The following GLI3 variants were observed in gnomAD, a reference collection of about 807,000 sequenced individuals.
GLI3 encodes GLI family zinc finger 3.
Under a neutral mutation model 100.8 loss-of-function variants are expected in GLI3, and 20 were observed. The observed-to-expected ratio is 0.20, with a 90% CI of 0.14 to 0.29. The LOEUF (loss-of-function observed/expected upper bound fraction) is 0.29. Among genes scored for constraint, GLI3 ranks in the 10% least tolerant of loss-of-function variants. The probability of loss-of-function intolerance (pLI) is 1.00; values close to 1 mark genes in which losing one functional copy is unlikely to be tolerated. For missense variants in GLI3, 2,040 were observed against 2,128.5 expected (o/e 0.96, Z 0.82); for synonymous variants, 938 against 860.5 (o/e 1.09, Z -1.58).
chr7:42,253,126 C>T (rs1030328749), intron 1 of GLI3, among the ~76,000 whole-genome samples: 22 of 152,284 alleles, frequency 1.4e-4, no homozygotes, highest in East Asian at 3.9e-4. Flanking sequence ...AGCTGAGCCA[C>T]GACTAAAAGG....
intron 3 of GLI3, among the ~76,000 whole-genome samples, chr7:42,104,414 G>C (rs1049112644): frequency 3.0e-4 from 45 of 152,146 alleles, no homozygotes; most frequent in African/African-American, 9.4e-4. Context: ...TGGGTAAACA[G>C]GCAGGGCGGG....
rs528823909 is a variant in GLI3 at position 42,202,189 on chromosome 7, T to A, written c.124+20941A>T. 4.7e-4 allele frequency among the ~76,000 whole-genome samples: 71 copies of A among 152,206 alleles called. 2 individuals carry two copies. In the South Asian group the frequency reaches 0.013, roughly 28 times the overall value. ...CATGTGGCTCATGAATGCATTTTTTTAAAAACATTTAATACTTAAAACTGA... is the reference window on the plus strand; with the variant it reads ...CATGTGGCTCATGAATGCATTTTTTAAAAAACATTTAATACTTAAAACTGA... On this transcript the variant is annotated intron_variant, in intron 2 of 14. Transcript: ENST00000395925.
intron 4 of GLI3, among the ~76,000 whole-genome samples, chr7:42,068,547 T>G (rs1784720968): frequency 6.6e-6 from 1 of 152,148 alleles, no homozygotes; most frequent in African/African-American, 2.4e-5. Flanking sequence ...TACTTCATAC[T>G]CAAAAAGTTA....
At chr7:42,212,233 G>C (rs749383129) in intron 2 of GLI3, among the ~76,000 whole-genome samples, 12 of 152,080 alleles carry the variant, frequency 7.9e-5, no homozygotes, top group Non-Finnish European at 1.5e-4. Flanking sequence ...TCATCCTCTT[G>C]AATGACAAGG....
chr7:42,121,751 C>T (rs1786005898), intron 3 of GLI3, among the ~76,000 whole-genome samples: 1 of 152,070 alleles, frequency 6.6e-6, no homozygotes, highest in South Asian at 2.1e-4. Context: ...AGGAGTGCAC[C>T]CACCTAAGCA....
intron 10 of GLI3, among the ~76,000 whole-genome samples, chr7:42,007,872 T>G (rs912479864): frequency 6.6e-6 from 1 of 152,156 alleles, no homozygotes; most frequent in African/African-American, 2.4e-5. Context: ...CGGCCTAGTT[T>G]GTTTTACTAA....
At chr7:42,021,662 T>C (rs1788946610) in intron 10 of GLI3, among the ~76,000 whole-genome samples, 1 of 152,256 alleles carries the variant, frequency 6.6e-6, no homozygotes, top group South Asian at 2.1e-4. Context: ...TCTTATTTCA[T>C]TCCTGATTTG....
Position 42,246,805 on chromosome 7 carries a change from C to CTTTTTTTTTTTTTTTTTTTTT in GLI3, c.-43+17168_-43+17188dup, listed in dbSNP as rs71006467. 4.9e-4 allele frequency among the ~76,000 whole-genome samples: 47 copies of CTTTTTTTTTTTTTTTTTTTTT among 94,956 alleles called. 5 individuals carry two copies. Among genetic ancestry groups the CTTTTTTTTTTTTTTTTTTTTT allele is most frequent in the Non-Finnish European group, 6.5e-4 (32 of 49,216 alleles). 62.3% of individuals were successfully genotyped at this position (94,956 alleles called of 152,430 possible). On this transcript the variant is annotated intron_variant, in intron 1 of 2. Coordinates refer to the GLI3 transcript ENST00000678978. ...TTAAAGGCTCATTGGATGATAGAATCTTTTTTTTTTTTTTTTTTTTTTTTT... is the reference window on the plus strand; with the variant it reads ...TTAAAGGCTCATTGGATGATAGAATCTTTTTTTTTTTTTTTTTTTTTTTTTTTTTTTTTTTTTTTTTTTTTT...
intron 1 of GLI3, among the ~76,000 whole-genome samples, chr7:42,236,628 C>A (rs1030232726): frequency 2.0e-5 from 3 of 152,210 alleles, no homozygotes; most frequent in Admixed American, 2.0e-4. Flanking sequence ...GCGTGCGGGG[C>A]TCGCGGAGTT....
Position 41,972,179 on chromosome 7 carries a change from G to A in GLI3, c.2103+158C>T, listed in dbSNP as rs549885989. Among the ~76,000 whole-genome samples the A allele has an allele frequency of 4.3e-4, 66 of 152,228 alleles. 1 individual carries two copies. The highest frequency in any genetic ancestry group is 8.8e-4 in the Non-Finnish European group (60 of 68,014). ...TGGAAACTCTTTTTCTGAGCTGATC[G>A]ACTTCACGTAAGCAATACGGGTCAC... On this transcript the variant is annotated intron_variant, in intron 13 of 14. Transcript: ENST00000395925. This position sits in a 1 kb window ranked among gnomAD's most constrained non-coding sequence, Gnocchi z 4.4.
chr7:42,015,082 C>CA (rs1020175089), intron 10 of GLI3, among the ~76,000 whole-genome samples: 1 of 152,020 alleles, frequency 6.6e-6, no homozygotes, highest in Non-Finnish European at 1.5e-5. Context: ...TCCTCATAAA[C>CA]AAAAAACAAA....
intron 3 of GLI3, among the ~76,000 whole-genome samples, chr7:42,127,747 G>C (rs955683431): frequency 1.3e-5 from 2 of 152,146 alleles, no homozygotes; most frequent in South Asian, 4.1e-4. Flanking sequence ...AGTGGCTGTC[G>C]CCTGTAATCC....
At position 41,967,899 on chromosome 7, in the gene GLI3, G is replaced by C; in HGVS notation, c.2128C>G (p.Gln710Glu). The change falls in exon 14 of 15, where the codon CAG becomes GAG. Residue 710 changes from glutamine to glutamate, a missense_variant. Physicochemically the swap from Gln to Glu is conservative, Grantham distance 29. Transcript: ENST00000395925. Reference protein sequence around the residue: ...PMTSQPSPGGQSSCSSQQSPI... With the variant: ...PMTSQPSPGGESSCSSQQSPI... ...GACTGTTGGCTGCTGCATGAAGACT[G>C]ACCACCAGGGCTTGGCTGAGATGTC... 1 of 1,614,126 alleles carries C rather than the reference G, an allele frequency of 6.2e-7. No homozygotes were observed. The highest frequency in any genetic ancestry group is 8.5e-7 in the Non-Finnish European group (1 of 1,180,006).
chr7:42,040,225 T>A lies in GLI3; in HGVS notation c.841A>T (p.Ser281Cys), dbSNP rs1784104993. 6.2e-7 allele frequency: 1 copy of A among 1,612,862 alleles called. No homozygotes were observed. The highest frequency in any genetic ancestry group is 1.3e-5 in the African/African-American group (1 of 74,902). ...LHAMDSTRFSSPRLSARPSRK... is the reference protein window; with the variant it reads ...LHAMDSTRFSCPRLSARPSRK... ...CTCGGCCTGGCTGACAGCCTGGGGCTGGAGAATCTGGTGCCTGTTATATAA... is the reference window on the plus strand; with the variant it reads ...CTCGGCCTGGCTGACAGCCTGGGGCAGGAGAATCTGGTGCCTGTTATATAA... Residue 281 changes from serine (S) to cysteine (C), a missense_variant, in exon 7 of 15, where the codon AGC (serine) becomes TGC (cysteine). Physicochemically the swap from Ser to Cys is moderately radical, Grantham distance 112 (BLOSUM62 -1). Coordinates refer to ENST00000395925, the MANE Select transcript of GLI3 (RefSeq NM_000168.6).
At chr7:41,967,308 A>G (rs976211580) in intron 14 of GLI3, among the ~76,000 whole-genome samples, 1 of 152,238 alleles carries the variant, frequency 6.6e-6, no homozygotes, top group African/African-American at 2.4e-5. Flanking sequence ...CCAACCACAG[A>G]TGCCTCCACT....
chr7:42,048,294 T>C (rs1784285219), intron 5 of GLI3, among the ~76,000 whole-genome samples, 197 bp downstream of exon 5: 1 of 152,046 alleles, frequency 6.6e-6, no homozygotes, highest in Non-Finnish European at 1.5e-5. Flanking sequence ...TATTCTGACA[T>C]GAAAATGGAG....
intron 10 of GLI3, among the ~76,000 whole-genome samples, chr7:41,984,693 G>A (rs573562995): frequency 6.6e-6 from 1 of 152,200 alleles, no homozygotes; most frequent in Admixed American, 6.5e-5. Context: ...AACAGTGGAG[G>A]GGGGAAACGC....
chr7:42,242,970 C>T (rs1788940144), intron 1 of GLI3, among the ~76,000 whole-genome samples: 1 of 152,150 alleles, frequency 6.6e-6, no homozygotes, highest in African/African-American at 2.4e-5. Context: ...GCTTGGGAAC[C>T]ACAGTACCCC....
chr7:42,136,018 A>G (rs1290235423), intron 3 of GLI3, among the ~76,000 whole-genome samples: 1 of 152,170 alleles, frequency 6.6e-6, no homozygotes. Flanking sequence ...CCACATATAG[A>G]GACAGTTAAG....
Sources: gnomAD v4.1 joint callset for allele counts (sites outside exome capture counted in the v4.1 genomes callset) on GRCh38, gnomAD v4.1.1 for gene constraint, Gnocchi (gnomAD v3.1) non-coding constraint, MANE v1.5 for transcripts, NCBI Gene and HGNC (gene_info 2026-07-23, HGNC 2026-07-21) for gene names.